Variants in HYDIN observed in about 807,000 individuals in gnomAD.
HYDIN encodes axonemal central pair apparatus protein HYDIN.
Under a neutral mutation model 403.9 loss-of-function variants are expected in HYDIN, and 132 were observed. The ratio of observed to expected loss-of-function variants is 0.33; its 90% CI spans 0.28 to 0.38. HYDIN has a LOEUF of 0.38. HYDIN is among the 10% of genes least tolerant of loss of function. The probability of loss-of-function intolerance (pLI) is 1.00; values close to 1 mark genes in which losing one functional copy is unlikely to be tolerated. For synonymous variants in HYDIN, 1,202 were observed against 1,891.7 expected (o/e 0.64, Z 9.46); for missense variants, 2,827 against 5,009.5 (o/e 0.56, Z 13.15).
intron 18 of HYDIN, among the ~76,000 whole-genome samples, chr16:71,054,023 A>C: frequency 6.6e-6 from 1 of 152,246 alleles, no homozygotes; most frequent in Non-Finnish European, 1.5e-5. Flanking sequence ...CTCTTAACCA[A>C]GAGAATCTCG....
chr16:71,106,706 G>A lies in HYDIN; in HGVS notation c.1327+8990C>T, dbSNP rs2144426354. 2.0e-5 allele frequency among the ~76,000 whole-genome samples: 3 copies of A among 151,744 alleles called. 1 individual carries two copies. The highest frequency in any genetic ancestry group is 2.0e-4 in the Admixed American group (3 of 15,220). On this transcript the variant is annotated intron_variant, in intron 10 of 85. Coordinates refer to ENST00000393567, the MANE Select transcript of HYDIN (RefSeq NM_001270974.2). ...ACATAATGGAACACTGTACAACAAT[G>A]AAAATGAAATACAACTAGAGCAAAA...
intron 18 of HYDIN, among the ~76,000 whole-genome samples, chr16:71,044,844 G>C (rs1168524705): frequency 1.3e-5 from 2 of 148,688 alleles, no homozygotes; most frequent in Middle Eastern, 3.4e-3. Flanking sequence ...ATTGGATATT[G>C]TATATACAAA....
Position 70,920,593 on chromosome 16 carries a change from G to C in HYDIN, c.7783C>G (p.Gln2595Glu). The C allele has an allele frequency of 6.2e-7, 1 of 1,609,092 alleles. No individual in the cohort carries two copies. The highest frequency in any genetic ancestry group is 1.7e-4 in the Middle Eastern group (1 of 6,044). The change falls in exon 46 of 86, where the codon CAG becomes GAG. Residue 2595 changes from glutamine to glutamate, a missense_variant and splice_region_variant. Transcript: ENST00000393567. Reference protein sequence around the residue: ...LESDKLPKGEQILDILGLGAS... With the variant: ...LESDKLPKGEEILDILGLGAS... The stretch of plus-strand genomic sequence containing the variant: ...CCACCCTGGAGGAGAGTCCATACCT[G>C]CTCTCCTTTGGGAAGCTTGTCGCTC...
chr16:70,839,970 T>C, intron 76 of HYDIN, 94 bp downstream of exon 76: 2 of 880,922 alleles, frequency 2.3e-6, no homozygotes, highest in South Asian at 1.8e-5. Context: ...ATCATTTTTT[T>C]TTTTTTTTGT....
intron 24 of HYDIN, 31 bp downstream of exon 24, chr16:70,992,039 T>C: frequency 6.2e-7 from 1 of 1,613,296 alleles, no homozygotes; most frequent in South Asian, 1.1e-5. Context: ...GAAAAGCTAC[T>C]ACAAATAATC....
At chr16:71,116,353 C>T (rs1243128993) in intron 9 of HYDIN, among the ~76,000 whole-genome samples, 1 of 151,896 alleles carries the variant, frequency 6.6e-6, no homozygotes, top group Non-Finnish European at 1.5e-5. Context: ...CATGTTGTCA[C>T]AAGTGGCAGG....
At chr16:70,939,532 T>G (rs2077604673) in intron 43 of HYDIN, among the ~76,000 whole-genome samples, 3 of 152,198 alleles carry the variant, frequency 2.0e-5, no homozygotes, top group Non-Finnish European at 2.9e-5. Flanking sequence ...TTTGTTAACA[T>G]GTATGAACAT....
chr16:71,182,899 A>G (rs1216868290), intron 3 of HYDIN, among the ~76,000 whole-genome samples: 1 of 152,158 alleles, frequency 6.6e-6, no homozygotes, highest in Non-Finnish European at 1.5e-5. Context: ...AGCAAAAATC[A>G]ACCAGTGAAA....
At position 70,868,589 on chromosome 16, in the gene HYDIN, G is replaced by C; in HGVS notation, c.11291C>G (p.Thr3764Ser). ...WVDVPRNMPG[T>S]FTTKRKVIET... ...ACTTACTTTTCGTTTTGTAGTGAAA[G>C]TCCCAGGCATGTTTCTGGGTACGTC... Residue 3764 changes from threonine (T) to serine (S), a missense_variant, in exon 66 of 86, where the codon ACT becomes AGT. Transcript: ENST00000393567. 1 of 1,612,406 alleles carries C rather than the reference G, an allele frequency of 6.2e-7. No individual in the cohort carries two copies. The highest frequency in any genetic ancestry group is 8.5e-7 in the Non-Finnish European group (1 of 1,179,774).
At chr16:70,811,875 A>G (rs1401158135) in intron 84 of HYDIN, among the ~76,000 whole-genome samples, 9 of 133,274 alleles carry the variant, frequency 6.8e-5, no homozygotes, top group African/African-American at 2.5e-4. Flanking sequence ...AAAAAAAATC[A>G]GACCCAAGAA....
chr16:71,219,242 G>A (rs1269799049), intron 1 of HYDIN, among the ~76,000 whole-genome samples: 2 of 151,946 alleles, frequency 1.3e-5, no homozygotes. Flanking sequence ...AGATCATAAT[G>A]TTATTAGAGC....
chr16:70,944,730 A>C (rs569965597), intron 41 of HYDIN, among the ~76,000 whole-genome samples: 1 of 152,308 alleles, frequency 6.6e-6, no homozygotes, highest in South Asian at 2.1e-4. Flanking sequence ...TCAGCAGACA[A>C]ATAATCTGAT....
At chr16:70,934,773 TCTGGGGTCGGGGG>T (rs892132557) in intron 45 of HYDIN, among the ~76,000 whole-genome samples, 1 of 142,828 alleles carries the variant, frequency 7.0e-6, no homozygotes, top group Non-Finnish European at 1.5e-5. Flanking sequence ...GGTAGTGGGG[TCTGGGGTCGGGGG>T]CTGGGGGTGG....
At chr16:71,183,479 A>G (rs1484405406) in intron 3 of HYDIN, among the ~76,000 whole-genome samples, 1 of 152,174 alleles carries the variant, frequency 6.6e-6, no homozygotes, top group Non-Finnish European at 1.5e-5. Flanking sequence ...GTATCCTAAT[A>G]CTGAACTTTA....
chr16:70,910,316 T>C (rs2076662188), intron 47 of HYDIN, among the ~76,000 whole-genome samples: 1 of 152,070 alleles, frequency 6.6e-6, no homozygotes, highest in African/African-American at 2.4e-5. Flanking sequence ...GGCTACCACA[T>C]ATCAGTGAGA....
At chr16:70,936,882 G>A (rs2077508929) in intron 44 of HYDIN, among the ~76,000 whole-genome samples, 1 of 151,422 alleles carries the variant, frequency 6.6e-6, no homozygotes, top group Non-Finnish European at 1.5e-5. Context: ...CAGAGCCATG[G>A]TGCTCAGTCC....
intron 58 of HYDIN, among the ~76,000 whole-genome samples, chr16:70,887,032 C>T (rs1241058413): frequency 2.6e-5 from 4 of 152,204 alleles, no homozygotes; most frequent in African/African-American, 9.7e-5. Flanking sequence ...ATGACAAGCG[C>T]ATTAGATCTT....
chr16:70,917,367 C>T (rs1336295823), intron 47 of HYDIN, among the ~76,000 whole-genome samples: 2 of 152,272 alleles, frequency 1.3e-5, no homozygotes, highest in East Asian at 1.9e-4. Flanking sequence ...TCCTTGTAAA[C>T]TGAGGTTTGG....
intron 60 of HYDIN, among the ~76,000 whole-genome samples, chr16:70,882,430 G>A (rs1465882321): frequency 6.6e-6 from 1 of 152,242 alleles, no homozygotes; most frequent in South Asian, 2.1e-4. Flanking sequence ...GGAGGAATGC[G>A]GTTTGCTCGT....
Sources: allele counts gnomAD v4.1 joint callset (sites outside exome capture counted in the v4.1 genomes callset), GRCh38; gene constraint gnomAD v4.1.1; transcripts MANE v1.5; gene names NCBI Gene and HGNC (gene_info 2026-07-23, HGNC 2026-07-21).